MSI2: variants seen among roughly 807,000 people sequenced by gnomAD.
MSI2 encodes the protein musashi RNA binding protein 2, also known as RNA-binding protein Musashi homolog 2.
Under a neutral mutation model 45.6 loss-of-function variants are expected in MSI2, and 17 were observed. That is an observed-to-expected ratio of 0.37 (90% confidence interval 0.26 to 0.56). The LOEUF (loss-of-function observed/expected upper bound fraction) is 0.56, where lower values mean the gene tolerates loss of function less well. MSI2 is among the 20% of genes least tolerant of loss of function. MSI2 has a pLI of 0.77. For missense variants in MSI2, 293 were observed against 444.2 expected (o/e 0.66, Z 3.06); for synonymous variants, 156 against 158.2 (o/e 0.99, Z 0.11).
At chr17:57,265,253 C>T (rs1357527683) in intron 5 of MSI2, 1 of 152,140 alleles carries the variant, frequency 6.6e-6, no homozygotes, top group Non-Finnish European at 1.5e-5. Flanking sequence ...TTTTTGTGTT[C>T]AGGTCACAGT....
intron 6 of MSI2, among the ~76,000 whole-genome samples, chr17:57,412,600 A>G (rs1275254263): frequency 2.0e-5 from 3 of 152,138 alleles, no homozygotes; most frequent in Non-Finnish European, 4.4e-5. Flanking sequence ...GATAATAACT[A>G]TTTTTAGTTT....
At chr17:57,438,183 G>A (rs569924760) in intron 6 of MSI2, among the ~76,000 whole-genome samples, 2 of 152,276 alleles carry the variant, frequency 1.3e-5, no homozygotes, top group Admixed American at 1.3e-4. Flanking sequence ...TGCCTGGCTG[G>A]GGACGTGCCC....
chr17:57,515,927 G>A (rs1231955168), intron 6 of MSI2, among the ~76,000 whole-genome samples: 4 of 151,996 alleles, frequency 2.6e-5, no homozygotes, highest in Admixed American at 2.6e-4. Context: ...TTTTAAAATA[G>A]TGTAGGACTC....
intron 6 of MSI2, among the ~76,000 whole-genome samples, chr17:57,526,406 T>TGA (rs2086702084): frequency 8.3e-6 from 1 of 120,906 alleles, no homozygotes; most frequent in Non-Finnish European, 1.7e-5. Flanking sequence ...TGTGTGTGTG[T>TGA]GTGACAGAGA....
chr17:57,597,883 G>A (rs1197421507), intron 8 of MSI2, among the ~76,000 whole-genome samples: 2 of 152,184 alleles, frequency 1.3e-5, no homozygotes, highest in Admixed American at 6.5e-5. Context: ...CTCTTGATCA[G>A]CTGCTTCCTT....
rs1913473221 is a variant in MSI2 at position 57,679,555 on chromosome 17, C to A, written c.*38C>A. 1 of 1,057,408 alleles carries A rather than the reference C, an allele frequency of 9.5e-7. No homozygotes were observed. Among genetic ancestry groups the A allele is most frequent in the Non-Finnish European group, 1.1e-6 (1 of 874,030 alleles). The allele number at this position is 1,057,408 out of a possible 1,614,324, so 65.5% of individuals were successfully genotyped here. A position where few individuals can be genotyped will look rare whatever the true frequency, so the allele number is the denominator to read the frequency against. On this transcript the variant is annotated 3_prime_UTR_variant, in exon 14 of 14. Transcript: ENST00000284073. ...GGCCTTCCCTGCCCTGCAGAGCATACCTGGATGTCCAGGCAAGACTGGGCG... is the reference window on the plus strand; with the variant it reads ...GGCCTTCCCTGCCCTGCAGAGCATAACTGGATGTCCAGGCAAGACTGGGCG...
chr17:57,441,864 G>A (rs577130390), intron 6 of MSI2, among the ~76,000 whole-genome samples: 1 of 152,256 alleles, frequency 6.6e-6, no homozygotes, highest in East Asian at 1.9e-4. Flanking sequence ...GCCTGCAGGG[G>A]TTTCTTTCAT....
At chr17:57,631,830 A>G (rs368760962) in intron 10 of MSI2, 2 of 1,613,620 alleles carry the variant, frequency 1.2e-6, no homozygotes, top group South Asian at 1.1e-5. Flanking sequence ...TTTATCAACT[A>G]GCTCTTAAGA....
chr17:57,692,899 CT>C, the MSI2 span, among the ~76,000 whole-genome samples: 32,425 of 138,738 alleles, frequency 0.23, 3,831 homozygotes, highest in East Asian at 0.49. Context: ...AATGCATGGG[CT>C]TTTTTTTTTT....
intron 10 of MSI2, among the ~76,000 whole-genome samples, chr17:57,643,307 A>G (rs1241821571): frequency 6.6e-6 from 1 of 152,204 alleles, no homozygotes; most frequent in Non-Finnish European, 1.5e-5. Context: ...GCAGCCCAAG[A>G]CACCACGTTC....
chr17:57,674,785 CTGA>C lies in MSI2; in HGVS notation c.791-184_791-182del. Reference sequence around the variant, plus strand: ...TGGGCTGAGTATTCTTGAGTCCCTGCTGATGTTTTCGCATGGCCTTGGTTGAGT... The same window carrying C: ...TGGGCTGAGTATTCTTGAGTCCCTGCTGTTTTCGCATGGCCTTGGTTGAGT... On this transcript the variant is annotated intron_variant, in intron 11 of 13. Transcript: ENST00000284073. The C allele has an allele frequency of 6.5e-6, 5 of 764,544 alleles. No homozygotes were observed. The South Asian group carries it at 9.7e-5, about 15-fold the overall frequency. The allele number at this position is 764,544 out of a possible 1,614,324, so 47.4% of individuals were successfully genotyped here. A position where few individuals can be genotyped will look rare whatever the true frequency, so the allele number is the denominator to read the frequency against.
chr17:57,447,187 A>C (rs1184485388), intron 6 of MSI2, among the ~76,000 whole-genome samples: 1 of 152,172 alleles, frequency 6.6e-6, no homozygotes, highest in Non-Finnish European at 1.5e-5. Context: ...CCTGGGCTCA[A>C]GTGATCCTCC....
intron 6 of MSI2, among the ~76,000 whole-genome samples, chr17:57,521,928 G>A (rs9908704): frequency 0.038 from 5,744 of 152,278 alleles, 340 homozygotes; most frequent in African/African-American, 0.13. Flanking sequence ...AATGGTTAAA[G>A]ACAGACCAAC....
chr17:57,626,189 A>G (rs4793881), intron 9 of MSI2: 127,857 of 151,988 alleles, frequency 0.84, 53,819 homozygotes, highest in East Asian at 0.89. Flanking sequence ...TCACCTCCAA[A>G]GTCAAAGCGA....
At chr17:57,272,975 G>A (rs1908508249) in intron 5 of MSI2, among the ~76,000 whole-genome samples, 2 of 152,204 alleles carry the variant, frequency 1.3e-5, no homozygotes, top group Admixed American at 1.3e-4. Flanking sequence ...CCTTTTTGTA[G>A]CTAGAGGCAA....
At chr17:57,458,950 A>G (rs988403403) in intron 6 of MSI2, among the ~76,000 whole-genome samples, 1 of 152,170 alleles carries the variant, frequency 6.6e-6, no homozygotes, top group Non-Finnish European at 1.5e-5. Context: ...GATCCTTTTA[A>G]TTGCCACCAA....
rs191368769 is a variant in MSI2, at chr17:57,681,368, G to C, written c.*1851G>C. 1 of 179,352 alleles carries C rather than the reference G, an allele frequency of 5.6e-6. No homozygotes were observed. The highest frequency in any genetic ancestry group is 1.2e-5 in the Non-Finnish European group (1 of 83,872). 11.1% of individuals were successfully genotyped at this position (179,352 alleles called of 1,614,324 possible). Reference sequence around the variant, plus strand: ...TTCTTTTTTAAAATGTGATATTGACGTTTTATTAATATTTTTTAAATTGTT... The same window carrying C: ...TTCTTTTTTAAAATGTGATATTGACCTTTTATTAATATTTTTTAAATTGTT... On this transcript the variant is annotated 3_prime_UTR_variant, in exon 14 of 14. Coordinates refer to ENST00000284073, the MANE Select transcript of MSI2 (RefSeq NM_138962.4).
intron 6 of MSI2, among the ~76,000 whole-genome samples, chr17:57,402,695 TATTA>T (rs2084015497): frequency 1.3e-5 from 2 of 152,290 alleles, no homozygotes; most frequent in South Asian, 4.1e-4. Context: ...TTGTCTCTGG[TATTA>T]ATTTCTGCCT....
intron 5 of MSI2, among the ~76,000 whole-genome samples, chr17:57,325,439 A>C (rs1469183408): frequency 6.6e-6 from 1 of 152,244 alleles, no homozygotes; most frequent in Non-Finnish European, 1.5e-5. Context: ...CTTATACCCC[A>C]AAAGCTATTG....
Sources: allele counts gnomAD v4.1 joint callset (sites outside exome capture counted in the v4.1 genomes callset), GRCh38; gene constraint gnomAD v4.1.1; transcripts MANE v1.5; gene names NCBI Gene and HGNC (gene_info 2026-07-23, HGNC 2026-07-21).